The following ADAMTSL1 variants were observed in gnomAD, a reference collection of about 807,000 sequenced individuals.
ADAMTSL1 encodes ADAMTS-like protein 1.
A neutral mutation model predicts 201.8 loss-of-function variants in ADAMTSL1; 126 were observed. The observed-to-expected ratio is 0.62, with a 90% CI of 0.54 to 0.72. The LOEUF (loss-of-function observed/expected upper bound fraction) is 0.72, where lower values mean the gene tolerates loss of function less well. Ranked by LOEUF, ADAMTSL1 falls within the 30% of genes least tolerant of loss-of-function variation. ADAMTSL1 has a pLI of 0.00. For missense variants in ADAMTSL1, 2,679 were observed against 2,277.8 expected (o/e 1.18, Z -3.59); for synonymous variants, 1,121 against 903.4 (o/e 1.24, Z -4.32).
chr9:18,860,890 C>T (rs529524006), intron 23 of ADAMTSL1, among the ~76,000 whole-genome samples: 27 of 152,312 alleles, frequency 1.8e-4, no homozygotes, highest in South Asian at 1.2e-3. Context: ...CCACAGTAAG[C>T]GTACTTGCTC....
At chr9:18,762,661 G>T (rs115864866) in intron 16 of ADAMTSL1, among the ~76,000 whole-genome samples, 2,423 of 150,586 alleles carry the variant, frequency 0.016, 62 homozygotes, top group African/African-American at 0.056. Flanking sequence ...ACCCTTCCTA[G>T]TCTTTGGTAA....
Position 18,439,612 on chromosome 9 carries a change from G to A in ADAMTSL1, c.208-65217G>A, listed in dbSNP as rs183299028. 8.4e-3 allele frequency among the ~76,000 whole-genome samples: 1,273 copies of A among 152,292 alleles called. 15 individuals carry two copies. Among genetic ancestry groups the A allele is most frequent in the Middle Eastern group, 0.024 (7 of 294 alleles). On this transcript the variant is annotated intron_variant, in intron 2 of 29. Transcript: ENST00000680146. ...GATCTCCTGACCTCGTGATCTGCCT[G>A]CCTCGGTCTCCCAAAGTGCTGGGAT...
intron 2 of ADAMTSL1, among the ~76,000 whole-genome samples, chr9:18,269,372 A>C (rs1196632514): frequency 6.6e-6 from 1 of 152,164 alleles, no homozygotes; most frequent in Non-Finnish European, 1.5e-5. Context: ...TGTAGGACCC[A>C]TCTGCATGGA....
chr9:18,553,652 A>G (rs924317861), intron 3 of ADAMTSL1, among the ~76,000 whole-genome samples: 1 of 151,824 alleles, frequency 6.6e-6, no homozygotes, highest in Non-Finnish European at 1.5e-5. Flanking sequence ...TGTCTGAAAT[A>G]TTTGTATTTG....
chr9:18,535,590 G>C (rs939148434), intron 3 of ADAMTSL1, among the ~76,000 whole-genome samples: 1 of 152,102 alleles, frequency 6.6e-6, no homozygotes, highest in African/African-American at 2.4e-5. Context: ...CCATTTTACT[G>C]TATTAGTCCA....
chr9:18,663,453 C>G (rs919877002), intron 9 of ADAMTSL1, among the ~76,000 whole-genome samples: 4 of 152,040 alleles, frequency 2.6e-5, no homozygotes, highest in Non-Finnish European at 5.9e-5. Flanking sequence ...TTTTGGAAAT[C>G]TTAAGGGTTT....
At chr9:18,323,313 A>C (rs1330803827) in intron 2 of ADAMTSL1, among the ~76,000 whole-genome samples, 1 of 152,218 alleles carries the variant, frequency 6.6e-6, no homozygotes, top group Non-Finnish European at 1.5e-5. Flanking sequence ...GGAGTAATAA[A>C]AATTATTTGA....
intron 2 of ADAMTSL1, among the ~76,000 whole-genome samples, chr9:18,390,143 C>G (rs1430941068): frequency 6.6e-6 from 1 of 151,994 alleles, no homozygotes; most frequent in Non-Finnish European, 1.5e-5. Context: ...AAGTGAGATA[C>G]AAATTTGGCT....
intron 1 of ADAMTSL1, among the ~76,000 whole-genome samples, chr9:18,152,973 C>A (rs1270406859): frequency 6.6e-6 from 1 of 151,938 alleles, no homozygotes. Flanking sequence ...GTTGGTTTGG[C>A]CAATGTCCTT....
At chr9:18,727,344 A>G (rs1817951373) in intron 15 of ADAMTSL1, among the ~76,000 whole-genome samples, 1 of 152,240 alleles carries the variant, frequency 6.6e-6, no homozygotes, top group Non-Finnish European at 1.5e-5. Context: ...CTAACTTTTA[A>G]GTGCTTAAAG....
rs751978972 is a variant in ADAMTSL1, at chr9:18,886,166, GTATATATATATATATATATATATATA to G, written c.4250-1644_4250-1619del. ...TATATATACATGTGAGTGTGTATGT[GTATATATATATATATATATATATATA>G]TATATATATATATATATATACACAC... On this transcript the variant is annotated intron_variant, in intron 23 of 28. Transcript: ENST00000380548. 8.6e-4 allele frequency among the ~76,000 whole-genome samples: 32 copies of G among 37,148 alleles called. 1 individual carries two copies. Among genetic ancestry groups the G allele is most frequent in the Middle Eastern group, 0.02 (1 of 50 alleles). The allele number at this position is 37,148 out of a possible 152,430, so 24.4% of individuals were successfully genotyped here. A position where few individuals can be genotyped will look rare whatever the true frequency, so the allele number is the denominator to read the frequency against.
intron 2 of ADAMTSL1, among the ~76,000 whole-genome samples, chr9:18,458,980 A>T (rs970707110): frequency 5.9e-5 from 9 of 152,200 alleles, no homozygotes; most frequent in Admixed American, 1.3e-4. Flanking sequence ...TATTAAACAG[A>T]ACCTTTGTGT....
intron 1 of ADAMTSL1, among the ~76,000 whole-genome samples, chr9:18,061,252 A>G (rs1454988160): frequency 6.6e-6 from 1 of 152,166 alleles, no homozygotes; most frequent in Non-Finnish European, 1.5e-5. Flanking sequence ...GGCATTAACA[A>G]CTACTGAGCA....
upstream of ADAMTSL1, among the ~76,000 whole-genome samples, chr9:18,472,483 T>A (rs1439821267): frequency 6.6e-6 from 1 of 152,224 alleles, no homozygotes; most frequent in African/African-American, 2.4e-5. Flanking sequence ...CAAAGGATAA[T>A]CTTTGTATGA....
At chr9:18,609,377 G>A (rs1217462489) in intron 4 of ADAMTSL1, among the ~76,000 whole-genome samples, 1 of 117,382 alleles carries the variant, frequency 8.5e-6, no homozygotes, top group Non-Finnish European at 1.9e-5. Flanking sequence ...ATTTCCCAAA[G>A]AGCCAACCAT....
chr9:18,538,538 G>A (rs1206905737), intron 3 of ADAMTSL1, among the ~76,000 whole-genome samples: 2 of 152,084 alleles, frequency 1.3e-5, no homozygotes, highest in African/African-American at 4.8e-5. Context: ...TAATGAAGAT[G>A]TCTATGCTAG....
chr9:18,282,209 C>T (rs960556001), intron 2 of ADAMTSL1, among the ~76,000 whole-genome samples: 12 of 152,292 alleles, frequency 7.9e-5, no homozygotes, highest in African/African-American at 2.9e-4. Context: ...ATAATGGCTA[C>T]CTGATCCATC....
chr9:18,167,571 A>G (rs2132109337), intron 2 of ADAMTSL1, among the ~76,000 whole-genome samples: 1 of 152,144 alleles, frequency 6.6e-6, no homozygotes, highest in East Asian at 1.9e-4. Context: ...GCTTTAAAGT[A>G]AATTATATTT....
At chr9:18,818,672 A>G (rs1824013305) in intron 21 of ADAMTSL1, among the ~76,000 whole-genome samples, 1 of 152,076 alleles carries the variant, frequency 6.6e-6, no homozygotes, top group South Asian at 2.1e-4. Flanking sequence ...GCATGCCTAT[A>G]GTCTCAGCTG....
Sources: gnomAD v4.1 joint callset for allele counts (sites outside exome capture counted in the v4.1 genomes callset) on GRCh38, gnomAD v4.1.1 for gene constraint, MANE v1.5 for transcripts, NCBI Gene and HGNC (gene_info 2026-07-23, HGNC 2026-07-21) for gene names.